The following ELAVL2 variants were observed in gnomAD, a reference collection of about 807,000 sequenced individuals.
ELAVL2 encodes the protein ELAV-like protein 2.
ELAVL2 carries 4 observed loss-of-function variants against 34.6 expected under a neutral mutation model. The ratio of observed to expected loss-of-function variants is 0.12; its 90% CI spans 0.06 to 0.26. The LOEUF is 0.26. Among genes scored for constraint, ELAVL2 ranks in the 10% least tolerant of loss-of-function variants. The probability of loss-of-function intolerance (pLI) is 1.00; values close to 1 mark genes in which losing one functional copy is unlikely to be tolerated. For missense variants in ELAVL2, 432 were observed against 442.8 expected, an observed-to-expected ratio of 0.98 and a Z score of 0.22; for synonymous variants, 193 against 154.8, an observed-to-expected ratio of 1.25 and a Z score of -1.83.
intron 1 of ELAVL2, among the ~76,000 whole-genome samples, chr9:23,809,295 G>C (rs1295310514): frequency 6.6e-6 from 1 of 152,126 alleles, no homozygotes; most frequent in Non-Finnish European, 1.5e-5. Flanking sequence ...ACTCTAGGAA[G>C]AGTAAAATAT....
At chr9:23,822,690 T>C (rs1308542769) in intron 1 of ELAVL2, among the ~76,000 whole-genome samples, 2 of 152,212 alleles carry the variant, frequency 1.3e-5, no homozygotes, top group Non-Finnish European at 2.9e-5. Context: ...TAGTTGGGAT[T>C]TTTTTCATTG....
At chr9:23,723,068 G>C (rs558494494) in intron 3 of ELAVL2, among the ~76,000 whole-genome samples, 1 of 152,284 alleles carries the variant, frequency 6.6e-6, no homozygotes, top group African/African-American at 2.4e-5. Context: ...TGTTCAGGTA[G>C]AAAAGATTTT....
At chr9:23,761,142 A>G (rs1025026877) in intron 2 of ELAVL2, among the ~76,000 whole-genome samples, 3 of 152,144 alleles carry the variant, frequency 2.0e-5, no homozygotes, top group East Asian at 3.9e-4. Flanking sequence ...TCCATTTTAT[A>G]TTTTTGGTTA....
chr9:23,753,702 C>G (rs186299392), intron 2 of ELAVL2, among the ~76,000 whole-genome samples: 7 of 152,078 alleles, frequency 4.6e-5, no homozygotes, highest in African/African-American at 1.7e-4. Context: ...ATCATTCCTA[C>G]GACAAGCGCT....
chr9:23,732,082 A>C (rs2046713088), intron 2 of ELAVL2, among the ~76,000 whole-genome samples: 1 of 152,232 alleles, frequency 6.6e-6, no homozygotes, highest in African/African-American at 2.4e-5. Flanking sequence ...ATGGCATAAG[A>C]AAAGTTTAGT....
chr9:23,727,381 T>C (rs1479354911), intron 3 of ELAVL2, among the ~76,000 whole-genome samples: 2 of 152,108 alleles, frequency 1.3e-5, no homozygotes, highest in Admixed American at 6.6e-5. Context: ...GTGAACCACG[T>C]TGAACTCTGA....
the ELAVL2 span, among the ~76,000 whole-genome samples, chr9:23,833,061 GT>G: frequency 1.2e-3 from 177 of 151,438 alleles, no homozygotes; most frequent in Admixed American, 1.7e-3. Flanking sequence ...AGGTGTTTGC[GT>G]TTTTTTTATT....
chr9:23,723,277 T>C (rs888703689), intron 3 of ELAVL2, among the ~76,000 whole-genome samples: 1 of 152,126 alleles, frequency 6.6e-6, no homozygotes, highest in Admixed American at 6.6e-5. Context: ...TGTAGGGACA[T>C]GGATGAAATT....
At chr9:23,779,379 G>A (rs1588426115) in intron 1 of ELAVL2, 3 of 985,368 alleles carry the variant, frequency 3.0e-6, no homozygotes, top group Non-Finnish European at 3.6e-6. Context: ...AGAAAGCAAC[G>A]CCCTGCCTAA....
chr9:23,704,783 A>G, intron 4 of ELAVL2, 135 bp downstream of exon 4: 1 of 1,122,598 alleles, frequency 8.9e-7, no homozygotes, highest in South Asian at 1.6e-5. Flanking sequence ...CAATTCCAGC[A>G]GAAAATTGCA....
chr9:23,694,782 A>G (rs2034509747), intron 5 of ELAVL2, among the ~76,000 whole-genome samples: 1 of 152,210 alleles, frequency 6.6e-6, no homozygotes, highest in South Asian at 2.1e-4. Context: ...TAAAGATGAG[A>G]AGAACTGAGC....
At chr9:23,743,981 C>T (rs1261324612) in intron 2 of ELAVL2, among the ~76,000 whole-genome samples, 1 of 152,208 alleles carries the variant, frequency 6.6e-6, no homozygotes, top group African/African-American at 2.4e-5. Context: ...GGCCACATTA[C>T]ATGCCCACTT....
chr9:23,781,354 C>A, intron 1 of ELAVL2, among the ~76,000 whole-genome samples: 1 of 152,236 alleles, frequency 6.6e-6, no homozygotes, highest in Non-Finnish European at 1.5e-5. Flanking sequence ...TACACATAAA[C>A]ACACACACTC....
chr9:23,764,265 G>T (rs1427832134), intron 1 of ELAVL2, among the ~76,000 whole-genome samples: 1 of 152,118 alleles, frequency 6.6e-6, no homozygotes, highest in Non-Finnish European at 1.5e-5. Context: ...AGCTCATTGG[G>T]ATAGCATTTG....
chr9:23,839,836 T>C, the ELAVL2 span, among the ~76,000 whole-genome samples: 1 of 152,158 alleles, frequency 6.6e-6, no homozygotes, highest in African/African-American at 2.4e-5. Flanking sequence ...TTTTACCTAT[T>C]AGACCATGTC....
rs76301534 is a variant in ELAVL2, at chr9:23,745,579, T to C, written c.230-14454A>G. Among the ~76,000 whole-genome samples the C allele has an allele frequency of 2.9e-4, 44 of 152,268 alleles. No homozygotes were observed. The East Asian group carries it at 8.5e-3, about 29-fold the overall frequency. On this transcript the variant is annotated intron_variant, in intron 2 of 6. Transcript: ENST00000397312. ...AAACATACTGTAATAAAGGTAAAAC[T>C]AGACTTGCATCTTTTCAAGGAGAAC...
intron 1 of ELAVL2, among the ~76,000 whole-genome samples, chr9:23,783,707 G>A (rs1037887754): frequency 5.9e-5 from 9 of 152,036 alleles, no homozygotes; most frequent in African/African-American, 2.2e-4. Context: ...TACTGTCTAA[G>A]CAAAGAAGGG....
At chr9:23,731,174 A>T (rs767012276) in intron 2 of ELAVL2, 49 bp from the exon 3 acceptor site, 1 of 1,512,360 alleles carries the variant, frequency 6.6e-7, no homozygotes, top group South Asian at 1.3e-5. Flanking sequence ...TATACTGTTG[A>T]CAGAGATCAA....
At chr9:23,803,560 TTCCTCACACTAAGCCA>T (rs2061830222) in intron 1 of ELAVL2, among the ~76,000 whole-genome samples, 4 of 152,284 alleles carry the variant, frequency 2.6e-5, no homozygotes, top group East Asian at 3.9e-4. Flanking sequence ...TGCTTCAGTT[TTCCTCACACTAAGCCA>T]TCCTGTAAAA....
Sources: gnomAD v4.1 joint callset for allele counts (sites outside exome capture counted in the v4.1 genomes callset) on GRCh38, gnomAD v4.1.1 for gene constraint, MANE v1.5 for transcripts, NCBI Gene and HGNC (gene_info 2026-07-23, HGNC 2026-07-21) for gene names.